Variants in CXCR5 observed in about 807,000 individuals in gnomAD.
The protein encoded by CXCR5 is C-X-C chemokine receptor type 5.
In CXCR5, 3 loss-of-function variants were observed where a neutral mutation model predicts 5.6. That is an observed-to-expected ratio of 0.54 (90% CI 0.24 to 1.39). CXCR5 has a LOEUF of 1.39. CXCR5 is among the 40% of genes most tolerant of loss of function. The pLI is 0.16. For synonymous variants in CXCR5, 218 were observed against 219.9 expected (o/e 0.99, Z 0.08); for missense variants, 333 against 494.6 (o/e 0.67, Z 3.10).
In CXCR5 at chr11:118,887,999, G is replaced by C. The variant is rs3782049; in HGVS notation, c.51+4007G>C. ...GGGGCTGAGAAGCAAGGTCAGGCTG[G>C]GGCATTCACTGGCGGCAGAATGGAC... On this transcript the variant is annotated intron_variant, in intron 1 of 1. Coordinates refer to ENST00000292174, the MANE Select transcript of CXCR5 (RefSeq NM_001716.5). 4.6e-5 allele frequency among the ~76,000 whole-genome samples: 7 copies of C among 152,134 alleles called. No homozygotes were observed. In the East Asian group the frequency reaches 1.3e-3, roughly 29 times the overall value.
At chr11:118,885,190 G>A (rs925243674) in intron 1 of CXCR5, among the ~76,000 whole-genome samples, 1 of 152,178 alleles carries the variant, frequency 6.6e-6, no homozygotes, top group South Asian at 2.1e-4. Context: ...CGGGGAGAAA[G>A]TGGGCAGAAG....
chr11:118,889,060 T>C (rs1005365495), intron 1 of CXCR5, among the ~76,000 whole-genome samples: 2 of 152,176 alleles, frequency 1.3e-5, no homozygotes, highest in Non-Finnish European at 2.9e-5. Context: ...AGTAACATTT[T>C]GGGCCCTACC....
At chr11:118,888,185 C>T (rs969030189) in intron 1 of CXCR5, among the ~76,000 whole-genome samples, 3 of 152,194 alleles carry the variant, frequency 2.0e-5, no homozygotes, top group Non-Finnish European at 4.4e-5. Context: ...AATCTCTTCC[C>T]ACACACTTGG....
intron 1 of CXCR5, chr11:118,887,107 AG>A: frequency 3.9e-5 from 13 of 336,714 alleles, no homozygotes; most frequent in Non-Finnish European, 5.5e-5. Flanking sequence ...GGCCAAGCTG[AG>A]GATGGGTCAG....
chr11:118,888,128 G>A (rs1294704592), intron 1 of CXCR5, among the ~76,000 whole-genome samples: 1 of 152,294 alleles, frequency 6.6e-6, no homozygotes, highest in Non-Finnish European at 1.5e-5. Context: ...GAGTGGGAGC[G>A]AGGGGCATTT....
chr11:118,894,142 C>A lies in CXCR5; in HGVS notation c.598C>A (p.Pro200Thr), dbSNP rs1302485371. ...VSQGHHNNSL[P>T]RCTFSQENQA... ...CCAAGGCCATCACAACAACTCCCTG[C>A]CACGTTGCACCTTCTCCCAAGAGAA... The change falls in exon 2 of 2, where the codon CCA becomes ACA. Residue 200 changes from proline (P) to threonine (T), a missense_variant. By Grantham distance (38) the Pro-to-Thr change is conservative (BLOSUM62 -1). Transcript: ENST00000292174. The surrounding 1 kb of genome is among the most constrained non-coding windows in gnomAD (Gnocchi z 6.1). The A allele has an allele frequency of 1.9e-6, 3 of 1,613,982 alleles. No individual in the cohort carries two copies. Among genetic ancestry groups the A allele is most frequent in the South Asian group, 1.1e-5 (1 of 91,088 alleles).
chr11:118,889,977 G>T (rs1388873216), intron 1 of CXCR5, among the ~76,000 whole-genome samples: 1 of 152,210 alleles, frequency 6.6e-6, no homozygotes, highest in Non-Finnish European at 1.5e-5. Flanking sequence ...CCCAGGCACG[G>T]CCAAGGTAGG....
Position 118,894,796 on chromosome 11 carries a change from A to G in CXCR5, c.*133A>G. 2.4e-6 allele frequency: 2 copies of G among 837,202 alleles called. No homozygotes were observed. The highest frequency in any genetic ancestry group is 3.4e-6 in the Non-Finnish European group (2 of 591,446). The allele number at this position is 837,202 out of a possible 1,614,324, so 51.9% of individuals were successfully genotyped here. A position where few individuals can be genotyped will look rare whatever the true frequency, so the allele number is the denominator to read the frequency against. On this transcript the variant is annotated 3_prime_UTR_variant, in exon 2 of 2. Coordinates refer to ENST00000292174, the MANE Select transcript of CXCR5 (RefSeq NM_001716.5). The surrounding 1 kb of genome is among the most constrained non-coding windows in gnomAD (Gnocchi z 6.1). ...TCCTAGGAGTATCCTCATTTGGGGTAGCTAGAGGAACCAACCCCCATTTCT... is the reference window on the plus strand; with the variant it reads ...TCCTAGGAGTATCCTCATTTGGGGTGGCTAGAGGAACCAACCCCCATTTCT...
chr11:118,895,476 A>T lies in CXCR5; in HGVS notation c.*813A>T, dbSNP rs1429467550. 1 of 166,996 alleles carries T rather than the reference A, an allele frequency of 6.0e-6. No homozygotes were observed. Among genetic ancestry groups the T allele is most frequent in the Non-Finnish European group, 1.5e-5 (1 of 68,148 alleles). 10.3% of individuals were successfully genotyped at this position (166,996 alleles called of 1,614,324 possible). ...CTTTCTTCCCGAACCCCAAGGAGGG[A>T]GATGGATCAATCAAACCCGGCGGTC... On this transcript the variant is annotated 3_prime_UTR_variant, in exon 2 of 2. Transcript: ENST00000292174. The surrounding 1 kb of genome is among the most constrained non-coding windows in gnomAD (Gnocchi z 4.2).
intron 1 of CXCR5, 90 bp downstream of exon 1, chr11:118,884,082 G>A (rs950228351): frequency 2.3e-6 from 3 of 1,284,946 alleles, no homozygotes; most frequent in African/African-American, 2.9e-5. Flanking sequence ...GGGACAGTGT[G>A]GGAATCCTCT....
rs1939899281 is a variant in CXCR5, at chr11:118,895,731, G to A, written c.*1068G>A. 6.0e-6 allele frequency: 1 copy of A among 167,148 alleles called. No individual in the cohort carries two copies. The highest frequency in any genetic ancestry group is 1.5e-5 in the Non-Finnish European group (1 of 68,212). 10.4% of individuals were successfully genotyped at this position (167,148 alleles called of 1,614,324 possible). On this transcript the variant is annotated 3_prime_UTR_variant, in exon 2 of 2. Transcript: ENST00000292174. The surrounding 1 kb of genome is among the most constrained non-coding windows in gnomAD (Gnocchi z 4.2). The stretch of plus-strand genomic sequence containing the variant: ...CCCTCCGTGGCATCACCTTAGGCAG[G>A]GAAGTGTAAGAAACACACTGAGGCA...
chr11:118,897,620 G>A lies in CXCR5; in HGVS notation c.*2957G>A. ...CATTTACGTCATCTTACCATTTGGGGACGAGACAGGAATGGTATCCCTTAG... is the reference window on the plus strand; with the variant it reads ...CATTTACGTCATCTTACCATTTGGGAACGAGACAGGAATGGTATCCCTTAG... On this transcript the variant is annotated 3_prime_UTR_variant, in exon 2 of 2. Coordinates refer to ENST00000292174, the MANE Select transcript of CXCR5 (RefSeq NM_001716.5). 1 of 364,806 alleles carries A rather than the reference G, an allele frequency of 2.7e-6. No homozygotes were observed. Among genetic ancestry groups the A allele is most frequent in the Non-Finnish European group, 5.4e-6 (1 of 185,658 alleles). 22.6% of individuals were successfully genotyped at this position (364,806 alleles called of 1,614,324 possible).
chr11:118,884,022 C>T (rs370538221), intron 1 of CXCR5, 30 bp downstream of exon 1: 621 of 1,607,072 alleles, frequency 3.9e-4, no homozygotes, highest in Non-Finnish European at 4.6e-4. Flanking sequence ...TTCCTGTCGC[C>T]GAGGCCCTGT....
In CXCR5 at chr11:118,897,756, C is replaced by CT; in HGVS notation, c.*3093_*3094insT. The CT allele has an allele frequency of 2.3e-6, 1 of 436,334 alleles. No individual in the cohort carries two copies. 27.0% of individuals were successfully genotyped at this position (436,334 alleles called of 1,614,324 possible). The stretch of plus-strand genomic sequence containing the variant: ...AGAAGGGGGGAAGGGTTTCTTTTAT[C>CT]CTTTTTTTTTTGTGTGACTTCTATC... On this transcript the variant is annotated 3_prime_UTR_variant, in exon 2 of 2. Transcript: ENST00000292174.
At position 118,893,619 on chromosome 11, in the gene CXCR5, C is replaced by A; in HGVS notation, c.75C>A (p.Asp25Glu). The A allele has an allele frequency of 6.2e-7, 1 of 1,600,798 alleles. No homozygotes were observed. Among genetic ancestry groups the A allele is most frequent in the East Asian group, 2.2e-5 (1 of 44,616 alleles). ...AGTTCTGGGAACTGGACAGATTGGA[C>A]AACTATAACGACACCTCCCTGGTGG... ...EDLFWELDRL[D>E]NYNDTSLVEN... Residue 25 changes from aspartate (D) to glutamate (E), a missense_variant, in exon 2 of 2, where the codon GAC becomes GAA. Coordinates refer to ENST00000292174, the MANE Select transcript of CXCR5 (RefSeq NM_001716.5). This position sits in a 1 kb window ranked among gnomAD's most constrained non-coding sequence, Gnocchi z 5.7.
At chr11:118,889,113 G>A (rs560057094) in intron 1 of CXCR5, among the ~76,000 whole-genome samples, 6 of 152,204 alleles carry the variant, frequency 3.9e-5, no homozygotes, top group Admixed American at 1.3e-4. Context: ...CCCACCTCCC[G>A]CTAAGCCCCT....
At chr11:118,889,136 CTG>C (rs1371733582) in intron 1 of CXCR5, among the ~76,000 whole-genome samples, 5 of 152,234 alleles carry the variant, frequency 3.3e-5, no homozygotes, top group Non-Finnish European at 7.3e-5. Flanking sequence ...ATACTGGACA[CTG>C]TTACAGCCCC....
chr11:118,891,787 C>T (rs1359811439), intron 1 of CXCR5, among the ~76,000 whole-genome samples: 2 of 146,052 alleles, frequency 1.4e-5, no homozygotes, highest in East Asian at 4.0e-4. Context: ...AGGAGAATTG[C>T]TTGAACCCAG....
chr11:118,886,805 G>A (rs534109171), intron 1 of CXCR5: 1 of 176,776 alleles, frequency 5.7e-6, no homozygotes, highest in African/African-American at 2.4e-5. Context: ...CCAAGCCCCA[G>A]AGCCTGGCTT....
Sources: gnomAD v4.1 joint callset for allele counts (sites outside exome capture counted in the v4.1 genomes callset) on GRCh38, gnomAD v4.1.1 for gene constraint, Gnocchi (gnomAD v3.1) non-coding constraint, MANE v1.5 for transcripts, NCBI Gene and HGNC (gene_info 2026-07-23, HGNC 2026-07-21) for gene names.